The following DENND2C variants were observed in gnomAD, a reference collection of about 807,000 sequenced individuals.
DENND2C encodes DENN domain-containing protein 2C.
Under a neutral mutation model 112.4 loss-of-function variants are expected in DENND2C, and 72 were observed. That is an observed-to-expected ratio of 0.64 (90% CI 0.53 to 0.78). DENND2C has a LOEUF of 0.78. Ranked by LOEUF, DENND2C falls within the 30% of genes least tolerant of loss-of-function variation. The pLI is 0.00. For synonymous variants in DENND2C, 329 were observed against 381.6 expected (o/e 0.86, Z 1.61); for missense variants, 992 against 1,113.8 (o/e 0.89, Z 1.56).
At chr1:114,594,612 G>C (rs748378985) in intron 17 of DENND2C, 34 bp from the exon 18 acceptor site, 1 of 1,566,892 alleles carries the variant, frequency 6.4e-7, no homozygotes, top group Non-Finnish European at 8.7e-7. Flanking sequence ...ATTTTTCTTT[G>C]TTTGAGATTT....
At chr1:114,602,061 A>G in intron 12 of DENND2C, 64 bp downstream of exon 12, 1 of 1,503,868 alleles carries the variant, frequency 6.6e-7, no homozygotes, top group Non-Finnish European at 9.2e-7. Flanking sequence ...GTGTTTCTGA[A>G]GTTCCTACTC....
chr1:114,619,915 T>G (rs1253391134), intron 7 of DENND2C, among the ~76,000 whole-genome samples: 1 of 152,226 alleles, frequency 6.6e-6, no homozygotes, highest in Non-Finnish European at 1.5e-5. Flanking sequence ...CAAGAAATAC[T>G]GTAGAATATT....
intron 17 of DENND2C, among the ~76,000 whole-genome samples, chr1:114,594,794 C>T (rs1295023784): frequency 6.6e-6 from 1 of 152,134 alleles, no homozygotes; most frequent in Admixed American, 6.6e-5. Context: ...GTAAAATTTT[C>T]TGGCACTTTT....
chr1:114,635,064 G>A (rs1032871256), intron 3 of DENND2C, among the ~76,000 whole-genome samples: 5 of 150,212 alleles, frequency 3.3e-5, no homozygotes, highest in African/African-American at 1.2e-4. Context: ...GAAAAAAACT[G>A]GAACACACTT....
Position 114,625,606 on chromosome 1 carries a change from A to G in DENND2C, c.379T>C (p.Cys127Arg), listed in dbSNP as rs1310253742. 2 of 1,614,168 alleles carry G rather than the reference A, an allele frequency of 1.2e-6. No individual in the cohort carries two copies. Among genetic ancestry groups the G allele is most frequent in the Admixed American group, 1.7e-5 (1 of 60,028 alleles). Residue 127 changes from cysteine to arginine, a missense_variant, in exon 4 of 21, where the codon TGT (cysteine) becomes CGT (arginine). Physicochemically the swap from Cys to Arg is radical, Grantham distance 180. Coordinates refer to ENST00000393274, the MANE Select transcript of DENND2C (RefSeq NM_001256404.2). ...VCSRVKEIES[C>R]KEDVLDPETS... ...TCTGGATCTAAGACATCTTCTTTAC[A>G]GCTTTCAATTTCTTTGACCCGAGAA... is the stretch of plus-strand genomic sequence containing the variant.
chr1:114,637,758 G>A (rs1015527576), intron 3 of DENND2C, among the ~76,000 whole-genome samples: 11 of 152,062 alleles, frequency 7.2e-5, no homozygotes, highest in Non-Finnish European at 1.0e-4. Flanking sequence ...CAAGTGATCC[G>A]CCTGCCTTGG....
At chr1:114,588,220 C>T (rs1047482982) in intron 18 of DENND2C, among the ~76,000 whole-genome samples, 1 of 152,174 alleles carries the variant, frequency 6.6e-6, no homozygotes, top group Non-Finnish European at 1.5e-5. Context: ...TTTAACTGCA[C>T]TTTCAAAGGC....
chr1:114,639,160 T>C (rs1288444183), intron 3 of DENND2C, among the ~76,000 whole-genome samples: 2 of 152,198 alleles, frequency 1.3e-5, no homozygotes, highest in African/African-American at 2.4e-5. Flanking sequence ...CTAGAATGGC[T>C]AAAATTTAAA....
At chr1:114,624,811 G>C (rs1041299814) in intron 4 of DENND2C, among the ~76,000 whole-genome samples, 6 of 150,810 alleles carry the variant, frequency 4.0e-5, no homozygotes, top group Non-Finnish European at 8.8e-5. Context: ...AGTAGAGACA[G>C]GGTTTCACCA....
chr1:114,593,090 C>T (rs1291306242), intron 18 of DENND2C, among the ~76,000 whole-genome samples: 1 of 152,108 alleles, frequency 6.6e-6, no homozygotes, highest in Non-Finnish European at 1.5e-5. Context: ...GCCTTGGCCT[C>T]CCAAAGTGCT....
At chr1:114,637,146 G>C (rs1362214201) in intron 3 of DENND2C, among the ~76,000 whole-genome samples, 1 of 150,230 alleles carries the variant, frequency 6.7e-6, no homozygotes, top group Admixed American at 6.6e-5. Flanking sequence ...CATGCTAAAA[G>C]AGACTAAAAT....
At chr1:114,655,883 A>AATATATATATAT (rs10525704) in intron 1 of DENND2C, among the ~76,000 whole-genome samples, 2,011 of 125,832 alleles carry the variant, frequency 0.016, 42 homozygotes, top group African/African-American at 0.041. Context: ...TATATGTATA[A>AATATATATATAT]ATATATATAT....
At chr1:114,601,421 T>TACTATTAGTAACTAGTTAAA (rs1655501647) in intron 13 of DENND2C, 87 bp downstream of exon 13, 1 of 1,357,630 alleles carries the variant, frequency 7.4e-7, no homozygotes, top group African/African-American at 1.5e-5. Context: ...AGGGAACCTT[T>TACTATTAGTAACTAGTTAAA]CTGAAGTAAC....
chr1:114,589,669 T>G (rs1655132607), intron 18 of DENND2C, among the ~76,000 whole-genome samples: 1 of 152,110 alleles, frequency 6.6e-6, no homozygotes. Context: ...CAACACTGCA[T>G]TTATCTTCAA....
chr1:114,631,837 C>T (rs1235098211), intron 3 of DENND2C, among the ~76,000 whole-genome samples: 1 of 151,880 alleles, frequency 6.6e-6, no homozygotes, highest in Non-Finnish European at 1.5e-5. Context: ...GAAATCGAAC[C>T]AAAACAACAG....
chr1:114,609,834 A>AT, intron 9 of DENND2C, among the ~76,000 whole-genome samples: 1 of 152,222 alleles, frequency 6.6e-6, no homozygotes, highest in East Asian at 1.9e-4. Context: ...GGCTCCCCGG[A>AT]ATTATCCAGT....
chr1:114,598,443 A>G (rs143502240), intron 16 of DENND2C, among the ~76,000 whole-genome samples: 1,727 of 151,648 alleles, frequency 0.011, 28 homozygotes, highest in African/African-American at 0.039. Context: ...CTTAGGGAGG[A>G]ATGCCAAGGG....
chr1:114,652,661 CTTTT>C (rs55647145), intron 2 of DENND2C, among the ~76,000 whole-genome samples: 131 of 109,818 alleles, frequency 1.2e-3, no homozygotes, highest in African/African-American at 3.3e-3. Flanking sequence ...CTTACATTTA[CTTTT>C]TTTTTTTTTT....
Position 114,601,553 on chromosome 1 carries a change from T to C in DENND2C, c.1770A>G (p.Val590=), listed in dbSNP as rs1401683465. The C allele has an allele frequency of 7.4e-6, 12 of 1,613,664 alleles. No homozygotes were observed. The highest frequency in any genetic ancestry group is 4.5e-5 in the East Asian group (2 of 44,864). Residue 590 remains valine, a synonymous_variant, in exon 13 of 21, where the codon GTA becomes GTG. Coordinates refer to ENST00000393274, the MANE Select transcript of DENND2C (RefSeq NM_001256404.2). ...PVGKGKRLPE[V]YCMVSRLGCF... ...AGCCTAGGCGACTAACCATGCAGTA[T>C]ACCTCAGGGAGTCGCTTTCCTTTGC...
Sources: gnomAD v4.1 joint callset for allele counts (sites outside exome capture counted in the v4.1 genomes callset) on GRCh38, gnomAD v4.1.1 for gene constraint, MANE v1.5 for transcripts, NCBI Gene and HGNC (gene_info 2026-07-23, HGNC 2026-07-21) for gene names.